Variants in CDC73 observed in about 807,000 individuals in gnomAD.
The protein encoded by CDC73 is cell division cycle 73.
CDC73 carries 21 observed loss-of-function variants against 83.7 expected under a neutral mutation model. The observed-to-expected ratio is 0.25, with a 90% CI of 0.18 to 0.36. CDC73 has a LOEUF of 0.36. Among genes scored for constraint, CDC73 ranks in the 10% least tolerant of loss-of-function variants. CDC73 has a pLI of 1.00. For missense variants in CDC73, 342 were observed against 653.3 expected, an observed-to-expected ratio of 0.52 and a Z score of 5.19; for synonymous variants, 224 against 212.9, an observed-to-expected ratio of 1.05 and a Z score of -0.45.
At chr1:193,197,927 CAAAA>C (rs61392426) in intron 10 of CDC73, among the ~76,000 whole-genome samples, 16 of 73,222 alleles carry the variant, frequency 2.2e-4, no homozygotes, top group African/African-American at 7.4e-4. Flanking sequence ...ACCATCTCAC[CAAAA>C]AAAAAAAAAA....
chr1:193,236,953 T>A (rs1228621782), intron 15 of CDC73: 1 of 151,892 alleles, frequency 6.6e-6, no homozygotes, highest in Non-Finnish European at 1.5e-5. Context: ...CAGTTTTTTT[T>A]TTTTTTTTTA....
At chr1:193,216,216 CAG>C (rs1433130288) in intron 13 of CDC73, among the ~76,000 whole-genome samples, 2 of 152,006 alleles carry the variant, frequency 1.3e-5, no homozygotes, top group Non-Finnish European at 2.9e-5. Flanking sequence ...TAGAGAAAAA[CAG>C]AGAAAAGATC....
chr1:193,204,277 G>GTA (rs1366659303), intron 11 of CDC73, among the ~76,000 whole-genome samples: 53 of 131,270 alleles, frequency 4.0e-4, no homozygotes, highest in East Asian at 1.5e-3. Context: ...GTGTGTGTGT[G>GTA]TATATATATA....
chr1:193,242,178 G>T (rs1376007979), intron 15 of CDC73, among the ~76,000 whole-genome samples: 1 of 152,192 alleles, frequency 6.6e-6, no homozygotes, highest in South Asian at 2.1e-4. Flanking sequence ...CCCAGGGTAG[G>T]ATGCAGTCTG....
At chr1:193,220,280 C>T (rs956236956) in intron 13 of CDC73, among the ~76,000 whole-genome samples, 5 of 147,006 alleles carry the variant, frequency 3.4e-5, no homozygotes, top group African/African-American at 1.3e-4. Context: ...GATTCTCCTT[C>T]AGCCTCCTGA....
At chr1:193,216,922 A>G (rs754675935) in intron 13 of CDC73, among the ~76,000 whole-genome samples, 39 of 152,140 alleles carry the variant, frequency 2.6e-4, no homozygotes, top group Non-Finnish European at 5.0e-4. Context: ...CAAACTACCC[A>G]TCAAAGGAAC....
At chr1:193,234,220 CATAT>C (rs1284926600) in intron 14 of CDC73, among the ~76,000 whole-genome samples, 7 of 31,728 alleles carry the variant, frequency 2.2e-4, no homozygotes, top group Non-Finnish European at 4.7e-4. Context: ...CACACACACA[CATAT>C]ATATATTTAA....
intron 7 of CDC73, among the ~76,000 whole-genome samples, chr1:193,145,429 G>A (rs942858910): frequency 6.6e-5 from 10 of 152,198 alleles, no homozygotes; most frequent in Non-Finnish European, 1.3e-4. Flanking sequence ...AATGTCGAAT[G>A]TAGAAGCTGA....
chr1:193,143,916 C>G (rs1364626010), intron 7 of CDC73, among the ~76,000 whole-genome samples: 1 of 152,078 alleles, frequency 6.6e-6, no homozygotes, highest in East Asian at 1.9e-4. Flanking sequence ...TAGATTCCAG[C>G]CTGGCCAACA....
At chr1:193,210,103 C>T (rs1460329729) in intron 11 of CDC73, among the ~76,000 whole-genome samples, 1 of 151,906 alleles carries the variant, frequency 6.6e-6, no homozygotes, top group African/African-American at 2.4e-5. Context: ...AGTATTTTTT[C>T]TCAGCAAGAA....
chr1:193,235,728 T>C (rs1677746648), intron 14 of CDC73, among the ~76,000 whole-genome samples: 1 of 152,192 alleles, frequency 6.6e-6, no homozygotes, highest in African/African-American at 2.4e-5. Context: ...AAAGTCTAAA[T>C]GGTTTCTATA....
intron 10 of CDC73, among the ~76,000 whole-genome samples, chr1:193,190,702 C>A (rs1008883262): frequency 6.6e-6 from 1 of 152,200 alleles, no homozygotes; most frequent in African/African-American, 2.4e-5. Flanking sequence ...TGTTTTAATT[C>A]ATGCAAACTA....
At chr1:193,242,192 G>C (rs1156735803) in intron 15 of CDC73, among the ~76,000 whole-genome samples, 1 of 151,556 alleles carries the variant, frequency 6.6e-6, no homozygotes, top group Non-Finnish European at 1.5e-5. Context: ...CAGTCTGGTG[G>C]GGGCCGAGCC....
rs186721560 is a variant in CDC73, at chr1:193,220,539, T to G, written c.1154+8062T>G. ...AAGTGAGAAGCCAATTTGCAATATA[T>G]GTGGATTTCAGGTTTCACTAAATGT... On this transcript the variant is annotated intron_variant, in intron 13 of 16. Transcript: ENST00000367435. Among the ~76,000 whole-genome samples, 73 of 152,310 alleles carry G rather than the reference T, an allele frequency of 4.8e-4. 1 individual carries two copies. Among genetic ancestry groups the G allele is most frequent in the African/African-American group, 1.7e-3 (70 of 41,568 alleles).
At chr1:193,167,068 A>G (rs758593375) in intron 10 of CDC73, among the ~76,000 whole-genome samples, 3 of 152,186 alleles carry the variant, frequency 2.0e-5, no homozygotes, top group Non-Finnish European at 4.4e-5. Context: ...AAAATTCATT[A>G]ACTATGTAAT....
At chr1:193,235,196 G>A (rs567779858) in intron 14 of CDC73, among the ~76,000 whole-genome samples, 1 of 152,144 alleles carries the variant, frequency 6.6e-6, no homozygotes, top group East Asian at 1.9e-4. Context: ...CCTTAAATAG[G>A]AACAGTAGCA....
At chr1:193,142,932 A>G (rs1242140003) in intron 7 of CDC73, among the ~76,000 whole-genome samples, 3 of 152,064 alleles carry the variant, frequency 2.0e-5, no homozygotes, top group Admixed American at 6.6e-5. Flanking sequence ...TAGTGCCTCA[A>G]TTTTCTCTTA....
chr1:193,174,391 CTA>C (rs1676569405), intron 10 of CDC73, among the ~76,000 whole-genome samples: 1 of 152,138 alleles, frequency 6.6e-6, no homozygotes, highest in African/African-American at 2.4e-5. Flanking sequence ...AAGGTAGAAA[CTA>C]TGTCTTTCTT....
intron 2 of CDC73, among the ~76,000 whole-genome samples, chr1:193,126,304 T>C (rs1558278420): frequency 6.6e-6 from 1 of 152,246 alleles, no homozygotes; most frequent in Non-Finnish European, 1.5e-5. Context: ...GAAGTTCATT[T>C]GTTTTTAGTT....
Sources: allele counts gnomAD v4.1 joint callset (sites outside exome capture counted in the v4.1 genomes callset), GRCh38; gene constraint gnomAD v4.1.1; transcripts MANE v1.5; gene names NCBI Gene and HGNC (gene_info 2026-07-23, HGNC 2026-07-21).